KAT2B: variants seen among roughly 807,000 people sequenced by gnomAD.
The protein encoded by KAT2B is histone acetyltransferase KAT2B.
Under a neutral mutation model 105.9 loss-of-function variants are expected in KAT2B, and 36 were observed. That is an observed-to-expected ratio of 0.34 (90% CI 0.26 to 0.45). The LOEUF (loss-of-function observed/expected upper bound fraction) is 0.45, where lower values mean the gene tolerates loss of function less well. Among genes scored for constraint, KAT2B ranks in the 20% least tolerant of loss-of-function variants. The pLI, the probability that KAT2B is intolerant of heterozygous loss-of-function variation, is 1.00. For missense variants in KAT2B, 820 were observed against 1,021.6 expected, an observed-to-expected ratio of 0.80 and a Z score of 2.69; for synonymous variants, 397 against 377.9, an observed-to-expected ratio of 1.05 and a Z score of -0.59.
At chr3:20,105,652 G>A (rs1377300347) in intron 5 of KAT2B, among the ~76,000 whole-genome samples, 1 of 151,770 alleles carries the variant, frequency 6.6e-6, no homozygotes, top group African/African-American at 2.4e-5. Flanking sequence ...GTGGTGGCAT[G>A]TGTCTGTGGT....
chr3:20,146,443 C>T lies in KAT2B; in HGVS notation c.2119+13C>T, dbSNP rs999733957. On this transcript the variant is annotated intron_variant, in intron 14 of 17. Transcript: ENST00000263754. ...ATTCCTGGAATTAGTACGTATAGAC[C>T]TTCTTTTAAAAGCGAAATTTTTTAG... 5.3e-6 allele frequency: 8 copies of T among 1,512,160 alleles called. No homozygotes were observed. The highest frequency in any genetic ancestry group is 7.3e-6 in the Non-Finnish European group (8 of 1,101,560). 93.7% of individuals were successfully genotyped at this position (1,512,160 alleles called of 1,614,324 possible).
intron 1 of KAT2B, among the ~76,000 whole-genome samples, chr3:20,041,003 C>T (rs998949568): frequency 1.3e-5 from 2 of 152,132 alleles, no homozygotes; most frequent in Non-Finnish European, 2.9e-5. Flanking sequence ...AGACGGAGAG[C>T]CCTTCATTCC....
chr3:20,134,197 C>T (rs1263656364), intron 11 of KAT2B, among the ~76,000 whole-genome samples: 2 of 151,688 alleles, frequency 1.3e-5, no homozygotes, highest in South Asian at 2.1e-4. Context: ...AGTTATATGC[C>T]CACTTTTCCT....
chr3:20,120,564 G>A (rs775779116), intron 8 of KAT2B, among the ~76,000 whole-genome samples: 4 of 152,086 alleles, frequency 2.6e-5, no homozygotes, highest in Non-Finnish European at 4.4e-5. Context: ...AGCAAGTCAC[G>A]TAGTTGAACT....
At chr3:20,144,862 C>A (rs942688839) in intron 13 of KAT2B, among the ~76,000 whole-genome samples, 101 of 151,798 alleles carry the variant, frequency 6.7e-4, no homozygotes, top group Non-Finnish European at 1.6e-4. Flanking sequence ...ATGGCACAAC[C>A]TTGGTTCACT....
At chr3:20,086,488 C>T (rs1698618051) in intron 2 of KAT2B, among the ~76,000 whole-genome samples, 1 of 152,038 alleles carries the variant, frequency 6.6e-6, no homozygotes. Context: ...ATAGTCCCAG[C>T]CACTTGGAAG....
intron 2 of KAT2B, among the ~76,000 whole-genome samples, chr3:20,076,554 G>A (rs1462565455): frequency 6.6e-6 from 1 of 152,022 alleles, no homozygotes; most frequent in Non-Finnish European, 1.5e-5. Flanking sequence ...TTTTCTTAAT[G>A]GAAAGTTTCA....
At chr3:20,049,460 C>A (rs886392944) in intron 1 of KAT2B, among the ~76,000 whole-genome samples, 11 of 152,170 alleles carry the variant, frequency 7.2e-5, no homozygotes, top group Admixed American at 2.0e-4. Context: ...GGTTAAGTGA[C>A]TTCTTCAAGC....
intron 1 of KAT2B, among the ~76,000 whole-genome samples, chr3:20,061,939 AT>A (rs1698113206): frequency 9.7e-6 from 1 of 103,592 alleles, no homozygotes; most frequent in African/African-American, 5.4e-5. Flanking sequence ...TATATAAAAC[AT>A]AATATATATT....
intron 7 of KAT2B, among the ~76,000 whole-genome samples, chr3:20,119,070 A>T (rs1490307031): frequency 6.6e-6 from 1 of 151,968 alleles, no homozygotes; most frequent in Middle Eastern, 3.2e-3. Context: ...GTTGGTATTA[A>T]GTTTGATCAC....
chr3:20,096,053 C>G (rs1345243803), intron 3 of KAT2B, among the ~76,000 whole-genome samples: 2 of 152,116 alleles, frequency 1.3e-5, no homozygotes, highest in Non-Finnish European at 2.9e-5. Context: ...ACTAAGAGAG[C>G]TTGAAGTGAT....
intron 11 of KAT2B, 106 bp downstream of exon 11, chr3:20,127,655 A>T: frequency 8.9e-7 from 1 of 1,124,482 alleles, no homozygotes; most frequent in South Asian, 1.5e-5. Context: ...GAGAAGGTTC[A>T]AAGTGGAGTT....
chr3:20,145,554 G>GTTTTTTTTTTTTTTTTTTTT (rs550166293), intron 13 of KAT2B, among the ~76,000 whole-genome samples: 4 of 92,084 alleles, frequency 4.3e-5, no homozygotes, highest in Non-Finnish European at 8.1e-5. Flanking sequence ...GATTTTTTTA[G>GTTTTTTTTTTTTTTTTTTTT]TTTTTTTTTT....
intron 1 of KAT2B, among the ~76,000 whole-genome samples, chr3:20,058,727 T>C (rs1186216969): frequency 2.0e-5 from 3 of 152,270 alleles, no homozygotes; most frequent in Non-Finnish European, 1.5e-5. Flanking sequence ...CTGGAAGGAT[T>C]GTCACACAGT....
intron 1 of KAT2B, among the ~76,000 whole-genome samples, chr3:20,062,286 T>TG (rs1559514525): frequency 3.8e-4 from 18 of 46,816 alleles, no homozygotes; most frequent in Non-Finnish European, 6.5e-4. Context: ...ATATAAAATA[T>TG]AATATATAAT....
intron 6 of KAT2B, among the ~76,000 whole-genome samples, chr3:20,112,166 C>CA (rs1699133091): frequency 7.1e-6 from 1 of 141,234 alleles, no homozygotes; most frequent in Non-Finnish European, 1.5e-5. Flanking sequence ...GCTCAAGTGG[C>CA]TTTTTTTTTT....
chr3:20,115,255 G>A (rs1415430756), intron 7 of KAT2B, among the ~76,000 whole-genome samples: 7 of 152,208 alleles, frequency 4.6e-5, no homozygotes, highest in African/African-American at 9.7e-5. Context: ...GAGTGAAAGC[G>A]GCAGTCTTGA....
rs1575160702 is a variant in KAT2B, at chr3:20,145,572, T to C, written c.2005-744T>C. Among the ~76,000 whole-genome samples the C allele has an allele frequency of 3.4e-5, 5 of 148,396 alleles. No individual in the cohort carries two copies. The South Asian group carries it at 1.1e-3, about 31-fold the overall frequency. On this transcript the variant is annotated intron_variant, in intron 13 of 17. Coordinates refer to ENST00000263754, the MANE Select transcript of KAT2B (RefSeq NM_003884.5). ...TTTTTTAGTTTTTTTTTTTTTTTTT[T>C]TTTTTTTATTAAAGGGATAACCTCA...
intron 1 of KAT2B, among the ~76,000 whole-genome samples, chr3:20,068,390 T>C (rs1309328329): frequency 6.6e-6 from 1 of 150,620 alleles, no homozygotes; most frequent in African/African-American, 2.5e-5. Context: ...CTCTTGCCTT[T>C]GCGCTAGCTG....
Sources: gnomAD v4.1 joint callset for allele counts (sites outside exome capture counted in the v4.1 genomes callset) on GRCh38, gnomAD v4.1.1 for gene constraint, MANE v1.5 for transcripts, NCBI Gene and HGNC (gene_info 2026-07-23, HGNC 2026-07-21) for gene names.